The following LRIG1 variants were observed in gnomAD, a reference collection of about 807,000 sequenced individuals.
LRIG1 encodes the protein leucine-rich repeats and immunoglobulin-like domains protein 1.
A neutral mutation model predicts 99.2 loss-of-function variants in LRIG1; 48 were observed. The ratio of observed to expected loss-of-function variants is 0.48; its 90% CI spans 0.38 to 0.62. The LOEUF (loss-of-function observed/expected upper bound fraction) is 0.62. Ranked by LOEUF, LRIG1 falls within the 20% of genes least tolerant of loss-of-function variation. LRIG1 has a pLI of 0.00. For synonymous variants in LRIG1, 772 were observed against 596.1 expected (o/e 1.29, Z -4.30); for missense variants, 1,646 against 1,434.4 (o/e 1.15, Z -2.38).
At chr3:66,494,117 C>A (rs1701175730) in intron 1 of LRIG1, among the ~76,000 whole-genome samples, 2 of 152,026 alleles carry the variant, frequency 1.3e-5, no homozygotes, top group South Asian at 2.1e-4. Context: ...AAATTGTGCT[C>A]CAGAATCATC....
chr3:66,418,864 G>A (rs1702708595), intron 3 of LRIG1, among the ~76,000 whole-genome samples: 1 of 151,922 alleles, frequency 6.6e-6, no homozygotes, highest in Non-Finnish European at 1.5e-5. Context: ...TTCCAAGGGT[G>A]CAACTCTGCA....
At position 66,421,996 on chromosome 3, in the gene LRIG1, G is replaced by A. The variant is rs192075825; in HGVS notation, c.366-4730C>T. Among the ~76,000 whole-genome samples, 139 of 152,310 alleles carry A rather than the reference G, an allele frequency of 9.1e-4. 1 individual carries two copies. In the Middle Eastern group the frequency reaches 0.02, roughly 22 times the overall value. ...CTTCCACCCTTTGAAGCCATGGTCCGTGCTCTATGTTGCCCCTTTCAGCTA... is the reference window on the plus strand; with the variant it reads ...CTTCCACCCTTTGAAGCCATGGTCCATGCTCTATGTTGCCCCTTTCAGCTA... On this transcript the variant is annotated intron_variant, in intron 3 of 18. Transcript: ENST00000273261.
intron 1 of LRIG1, among the ~76,000 whole-genome samples, chr3:66,492,898 G>A (rs962393618): frequency 6.6e-6 from 1 of 152,180 alleles, no homozygotes; most frequent in Non-Finnish European, 1.5e-5. Context: ...CTCAGGTACA[G>A]GTGCACAAGG....
intron 1 of LRIG1, 100 bp downstream of exon 1, chr3:66,500,090 A>T (rs1165082557): frequency 1.1e-6 from 1 of 913,242 alleles, no homozygotes; most frequent in Non-Finnish European, 1.6e-6. Flanking sequence ...CCACACACAC[A>T]ACCCAGTCCG....
intron 1 of LRIG1, among the ~76,000 whole-genome samples, chr3:66,487,807 G>A (rs1186471787): frequency 6.6e-6 from 1 of 152,154 alleles, no homozygotes; most frequent in African/African-American, 2.4e-5. Context: ...ATGGAAAAAG[G>A]TCATCTTTGG....
At chr3:66,405,852 G>A (rs1023231233) in intron 8 of LRIG1, 3 of 1,111,356 alleles carry the variant, frequency 2.7e-6, no homozygotes, top group Non-Finnish European at 2.2e-6. Flanking sequence ...TCAGACTTGT[G>A]ACCCACTCGC....
intron 17 of LRIG1, 119 bp from the exon 18 acceptor site, chr3:66,380,980 A>T: frequency 2.1e-6 from 2 of 957,420 alleles, no homozygotes; most frequent in Non-Finnish European, 1.6e-6. Flanking sequence ...CAAACACTGT[A>T]TGCATGCTTC....
At chr3:66,389,180 G>C (rs1032209856) in intron 12 of LRIG1, among the ~76,000 whole-genome samples, 1 of 152,088 alleles carries the variant, frequency 6.6e-6, no homozygotes, top group African/African-American at 2.4e-5. Flanking sequence ...GTTGTAAGAT[G>C]TTAATTTTAA....
chr3:66,447,332 T>C (rs1030290585), intron 3 of LRIG1, among the ~76,000 whole-genome samples: 4 of 152,196 alleles, frequency 2.6e-5, no homozygotes, highest in Admixed American at 1.3e-4. Context: ...TTTGTACCCA[T>C]TGACCAGCCC....
chr3:66,380,901 T>G, intron 17 of LRIG1, 40 bp from the exon 18 acceptor site: 1 of 1,599,250 alleles, frequency 6.3e-7, no homozygotes, highest in South Asian at 1.1e-5. Context: ...GTCACTGCTG[T>G]GGGAGTCTTC....
intron 11 of LRIG1, among the ~76,000 whole-genome samples, chr3:66,395,797 T>C (rs568442196): frequency 5.3e-5 from 8 of 152,168 alleles, no homozygotes; most frequent in Non-Finnish European, 8.8e-5. Context: ...CAGGGCTGGC[T>C]GCGCCAGGCA....
Position 66,382,843 on chromosome 3 carries a change from A to T in LRIG1, c.2491+139T>A, listed in dbSNP as rs1467435985. On this transcript the variant is annotated intron_variant, in intron 15 of 18. Transcript: ENST00000273261. ...TAAGGTTAAGTTCCTCAAAGTTAAA[A>T]TGGAATTAGTGGGACTAAACCCTCA... is the stretch of plus-strand genomic sequence containing the variant. 7 of 738,282 alleles carry T rather than the reference A, an allele frequency of 9.5e-6. No individual in the cohort carries two copies. In the East Asian group the frequency reaches 1.9e-4, roughly 20 times the overall value. 45.7% of individuals were successfully genotyped at this position (738,282 alleles called of 1,614,324 possible).
Position 66,407,503 on chromosome 3 carries a change from G to A in LRIG1, c.936-12C>T, listed in dbSNP as rs372650674. 1.3e-5 allele frequency: 21 copies of A among 1,613,524 alleles called. No homozygotes were observed. Among genetic ancestry groups the A allele is most frequent in the Non-Finnish European group, 1.6e-5 (19 of 1,179,672 alleles). On this transcript the variant is annotated splice_polypyrimidine_tract_variant and intron_variant, in intron 7 of 18. Coordinates refer to ENST00000273261, the MANE Select transcript of LRIG1 (RefSeq NM_015541.3). Reference sequence around the variant, plus strand: ...TGAAGGACAGGACCCTGAGGAAAGGGAGGGCAGCAATGTCACCATCTAGTG... The same window carrying A: ...TGAAGGACAGGACCCTGAGGAAAGGAAGGGCAGCAATGTCACCATCTAGTG...
chr3:66,412,621 G>C (rs760152225), intron 6 of LRIG1, among the ~76,000 whole-genome samples: 4 of 152,218 alleles, frequency 2.6e-5, no homozygotes, highest in Non-Finnish European at 5.9e-5. Flanking sequence ...AATCCTTCAG[G>C]AGAGAGGGGC....
chr3:66,442,422 G>A (rs1703569872), intron 3 of LRIG1, among the ~76,000 whole-genome samples: 1 of 152,142 alleles, frequency 6.6e-6, no homozygotes, highest in Non-Finnish European at 1.5e-5. Flanking sequence ...CTGGATTACA[G>A]AAGCCACCTG....
chr3:66,494,655 C>T (rs62243272), intron 1 of LRIG1, among the ~76,000 whole-genome samples: 3,360 of 152,126 alleles, frequency 0.022, 83 homozygotes, highest in African/African-American at 0.065. Flanking sequence ...ACAAATTATA[C>T]AAAATATAAG....
At chr3:66,382,845 G>C (rs554072326) in intron 15 of LRIG1, 137 bp downstream of exon 15, 1 of 737,796 alleles carries the variant, frequency 1.4e-6, no homozygotes, top group South Asian at 1.9e-5. Flanking sequence ...AAGTTAAAAT[G>C]GAATTAGTGG....
chr3:66,380,891 G>C (rs775746511), intron 17 of LRIG1, 30 bp from the exon 18 acceptor site: 3 of 1,606,450 alleles, frequency 1.9e-6, no homozygotes, highest in South Asian at 1.1e-5. Flanking sequence ...ATGGGTTAGA[G>C]TCACTGCTGT....
intron 3 of LRIG1, among the ~76,000 whole-genome samples, chr3:66,448,451 G>A (rs898192440): frequency 2.0e-5 from 3 of 152,216 alleles, no homozygotes; most frequent in African/African-American, 7.2e-5. Flanking sequence ...AGCAACAACA[G>A]TGGTTATTGG....
Sources: gnomAD v4.1 joint callset for allele counts (sites outside exome capture counted in the v4.1 genomes callset) on GRCh38, gnomAD v4.1.1 for gene constraint, MANE v1.5 for transcripts, NCBI Gene and HGNC (gene_info 2026-07-23, HGNC 2026-07-21) for gene names.